Variants in MOCS1 observed in about 807,000 individuals in gnomAD.
MOCS1 encodes molybdenum cofactor synthesis 1.
Under a neutral mutation model 57.6 loss-of-function variants are expected in MOCS1, and 39 were observed. The observed-to-expected ratio is 0.68, with a 90% CI of 0.52 to 0.88. The LOEUF is 0.88. Ranked by LOEUF, MOCS1 falls within the 40% of genes least tolerant of loss-of-function variation. The probability of loss-of-function intolerance (pLI) is 0.00; values close to 1 mark genes in which losing one functional copy is unlikely to be tolerated. For synonymous variants in MOCS1, 334 were observed against 335.7 expected (o/e 1.00, Z 0.05); for missense variants, 795 against 831.1 (o/e 0.96, Z 0.53).
chr6:39,928,385 C>T (rs571694114), intron 1 of MOCS1, among the ~76,000 whole-genome samples: 128 of 152,198 alleles, frequency 8.4e-4, no homozygotes, highest in South Asian at 1.5e-3. Flanking sequence ...AGGATGGTCT[C>T]GATCTCCTGA....
intron 3 of MOCS1, among the ~76,000 whole-genome samples, 160 bp from the exon 4 acceptor site, chr6:39,916,392 A>T (rs972775218): frequency 1.3e-5 from 2 of 152,232 alleles, no homozygotes; most frequent in Non-Finnish European, 2.9e-5. Flanking sequence ...AAAGCTAAGA[A>T]TCAAAACTGA....
Position 39,925,820 on chromosome 6 carries a change from C to T in MOCS1, c.276G>A (p.Gly92=). ...GGTTGGCTTTGGGGGTCAGCGGGAC[C>T]CCCTCCTCGGGCATGCAGTACTGAC... The part of the protein sequence containing the change: ...LRCQYCMPEE[G]VPLTPKANLL... Residue 92 remains glycine, a synonymous_variant, in exon 3 of 11, where the codon GGG becomes GGA. Coordinates refer to ENST00000340692, the MANE Select transcript of MOCS1 (RefSeq NM_001358530.2). 6.2e-7 allele frequency: 1 copy of T among 1,612,516 alleles called. No homozygotes were observed. Among genetic ancestry groups the T allele is most frequent in the Non-Finnish European group, 8.5e-7 (1 of 1,179,844 alleles).
Position 39,909,763 on chromosome 6 carries a change from C to T in MOCS1, c.1102+72G>A, listed in dbSNP as rs1248819115. Reference sequence around the variant, plus strand: ...GGTGTTCCTTGGTCATCTCACCCCACAACTCCACACCTCCCTCCCAGGGAC... The same window carrying T: ...GGTGTTCCTTGGTCATCTCACCCCATAACTCCACACCTCCCTCCCAGGGAC... On this transcript the variant is annotated intron_variant, in intron 9 of 10. Coordinates refer to ENST00000340692, the MANE Select transcript of MOCS1 (RefSeq NM_001358530.2). The T allele has an allele frequency of 3.8e-6, 6 of 1,599,630 alleles. No individual in the cohort carries two copies. The Admixed American group carries it at 8.3e-5, about 22-fold the overall frequency.
At chr6:39,921,791 T>C (rs963978989) in intron 3 of MOCS1, among the ~76,000 whole-genome samples, 1 of 152,140 alleles carries the variant, frequency 6.6e-6, no homozygotes, top group African/African-American at 2.4e-5. Flanking sequence ...TTTCAACTTT[T>C]TTTTACGTTC....
rs754959708 is a variant in MOCS1 at position 39,912,955 on chromosome 6, G to T, written c.807C>A (p.Asp269Glu). ...KKMVSYKEMLDTVRQQWPELE... is the reference protein window; with the variant it reads ...KKMVSYKEMLETVRQQWPELE... ...GCTCTGGCCACTGCTGCCGGACAGT[G>T]TCTAGCATCTCCTTATAGCTGACCA... Residue 269 changes from aspartate to glutamate, a missense_variant, in exon 7 of 11, where the codon GAC (aspartate) becomes GAA (glutamate). Physicochemically the swap from Asp to Glu is conservative, Grantham distance 45 (BLOSUM62 2). Transcript: ENST00000340692. The T allele has an allele frequency of 6.2e-7, 1 of 1,614,152 alleles. No homozygotes were observed. The highest frequency in any genetic ancestry group is 8.5e-7 in the Non-Finnish European group (1 of 1,180,018).
intron 1 of MOCS1, among the ~76,000 whole-genome samples, chr6:39,933,866 G>A (rs1768769406): frequency 6.6e-6 from 1 of 152,160 alleles, no homozygotes; most frequent in Non-Finnish European, 1.5e-5. Flanking sequence ...GAGGTGACAT[G>A]TTTAGTCAGT....
intron 3 of MOCS1, among the ~76,000 whole-genome samples, chr6:39,923,783 C>G (rs944145735): frequency 1.3e-5 from 2 of 152,244 alleles, no homozygotes; most frequent in African/African-American, 4.8e-5. Flanking sequence ...AGAGGGCTGT[C>G]AGGGGGACCT....
intron 3 of MOCS1, among the ~76,000 whole-genome samples, chr6:39,922,607 G>A (rs577883870): frequency 6.6e-6 from 1 of 152,206 alleles, no homozygotes; most frequent in Admixed American, 6.5e-5. Context: ...GAAAAGAAGG[G>A]GCATGGGACT....
chr6:39,934,152 G>A (rs1768786173), intron 1 of MOCS1, 143 bp downstream of exon 1: 1 of 1,179,694 alleles, frequency 8.5e-7, no homozygotes, highest in Admixed American at 3.0e-5. Flanking sequence ...TCCATCTGGA[G>A]AACATCGCTC....
rs73416811 is a variant in MOCS1, at chr6:39,934,444, C to G, written c.-27G>C. 1.3e-6 allele frequency: 2 copies of G among 1,560,386 alleles called. No individual in the cohort carries two copies. Among genetic ancestry groups the G allele is most frequent in the Non-Finnish European group, 1.7e-6 (2 of 1,159,900 alleles). On this transcript the variant is annotated 5_prime_UTR_variant, in exon 1 of 11. Transcript: ENST00000340692. ...AAGCCTGATACGAGCGGAACCGCAG[C>G]CCGCTTCGGGAGCACACTGGCCGGG...
At chr6:39,931,719 C>T (rs1192384840) in intron 1 of MOCS1, among the ~76,000 whole-genome samples, 1 of 152,148 alleles carries the variant, frequency 6.6e-6, no homozygotes, top group Non-Finnish European at 1.5e-5. Flanking sequence ...CACCCACTTC[C>T]TTGCAGCCTA....
intron 3 of MOCS1, among the ~76,000 whole-genome samples, chr6:39,921,409 A>C (rs1000636119): frequency 8.5e-5 from 13 of 152,184 alleles, no homozygotes; most frequent in Non-Finnish European, 7.3e-5. Context: ...AAAAAAAAAA[A>C]AAACTTTTTG....
At position 39,934,346 on chromosome 6, in the gene MOCS1, C is replaced by T; in HGVS notation, c.72G>A (p.Gly24=). The change falls in exon 1 of 11, where the codon GGG becomes GGA. Residue 24 remains glycine, a synonymous_variant. Coordinates refer to ENST00000340692, the MANE Select transcript of MOCS1 (RefSeq NM_001358530.2). ...LRSSARSCSS[G]APVTQPCPGE... ...CGGGGCAGGGCTGGGTCACCGGAGCCCCTGAGCTGCAGCTCCGGGCGCTGG... is the reference window on the plus strand; with the variant it reads ...CGGGGCAGGGCTGGGTCACCGGAGCTCCTGAGCTGCAGCTCCGGGCGCTGG... The T allele has an allele frequency of 6.4e-7, 1 of 1,553,600 alleles. No individual in the cohort carries two copies. The highest frequency in any genetic ancestry group is 8.7e-7 in the Non-Finnish European group (1 of 1,154,044).
intron 4 of MOCS1, among the ~76,000 whole-genome samples, chr6:39,914,692 C>T (rs1767552996): frequency 1.3e-5 from 2 of 152,132 alleles, no homozygotes; most frequent in Admixed American, 6.5e-5. Context: ...CATTTTCAGA[C>T]TGCTCAGTGA....
rs561022622 is a variant in MOCS1 at position 39,918,168 on chromosome 6, T to G, written c.419-1936A>C. 9.2e-5 allele frequency among the ~76,000 whole-genome samples: 14 copies of G among 152,340 alleles called. No individual in the cohort carries two copies. In the South Asian group the frequency reaches 2.5e-3, roughly 27 times the overall value. On this transcript the variant is annotated intron_variant, in intron 3 of 10. Transcript: ENST00000340692. The stretch of plus-strand genomic sequence containing the variant: ...CCCCTGAATTTTAGCTGACCTTTGC[T>G]ACATGGACAGTGCCACTGACTACAC...
At chr6:39,927,917 T>C (rs1768429744) in intron 1 of MOCS1, among the ~76,000 whole-genome samples, 1 of 152,028 alleles carries the variant, frequency 6.6e-6, no homozygotes, top group Non-Finnish European at 1.5e-5. Flanking sequence ...TGTACAAGTC[T>C]GATCTAGTCT....
intron 1 of MOCS1, among the ~76,000 whole-genome samples, chr6:39,928,951 T>TA (rs1206928303): frequency 6.6e-6 from 1 of 152,154 alleles, no homozygotes; most frequent in Non-Finnish European, 1.5e-5. Context: ...TGGAGAACTT[T>TA]AAAAAAACAT....
At chr6:39,919,717 T>A (rs1767859445) in intron 3 of MOCS1, among the ~76,000 whole-genome samples, 1 of 152,036 alleles carries the variant, frequency 6.6e-6, no homozygotes, top group East Asian at 1.9e-4. Context: ...TTGAAACAGA[T>A]CAAGTTCAGA....
At chr6:39,921,742 A>C (rs1401064993) in intron 3 of MOCS1, among the ~76,000 whole-genome samples, 11 of 152,216 alleles carry the variant, frequency 7.2e-5, no homozygotes, top group Admixed American at 7.2e-4. Flanking sequence ...GGAAGGAAAG[A>C]AAAAGGAAAG....
Sources: gnomAD v4.1 joint callset for allele counts (sites outside exome capture counted in the v4.1 genomes callset) on GRCh38, gnomAD v4.1.1 for gene constraint, MANE v1.5 for transcripts, NCBI Gene and HGNC (gene_info 2026-07-23, HGNC 2026-07-21) for gene names.